Variants in DLG2 observed in about 807,000 individuals in gnomAD.
DLG2 encodes discs large MAGUK scaffold protein 2.
Under a neutral mutation model 132.5 loss-of-function variants are expected in DLG2, and 45 were observed. The observed-to-expected ratio is 0.34, with a 90% confidence interval of 0.27 to 0.44. The LOEUF is 0.44. Ranked by LOEUF, DLG2 falls within the 20% of genes least tolerant of loss-of-function variation. The probability of loss-of-function intolerance (pLI) is 1.00; values close to 1 mark genes in which losing one functional copy is unlikely to be tolerated. For synonymous variants in DLG2, 424 were observed against 419.6 expected (o/e 1.01, Z -0.13); for missense variants, 1,045 against 1,196.9 (o/e 0.87, Z 1.87).
intron 9 of DLG2, among the ~76,000 whole-genome samples, chr11:84,159,743 G>C (rs910421606): frequency 2.0e-5 from 3 of 152,158 alleles, no homozygotes; most frequent in Non-Finnish European, 4.4e-5. Context: ...GAGAACAGCA[G>C]GGTAAAAGTG....
chr11:85,298,618 G>A (rs2079391405), intron 3 of DLG2, among the ~76,000 whole-genome samples: 1 of 152,068 alleles, frequency 6.6e-6, no homozygotes, highest in Non-Finnish European at 1.5e-5. Context: ...TAAATTCTTT[G>A]CTATAAAGCA....
intron 3 of DLG2, chr11:85,286,053 A>T (rs2078534322): frequency 2.3e-6 from 1 of 428,486 alleles, no homozygotes; most frequent in Admixed American, 2.9e-5. Flanking sequence ...ACAAATGTAT[A>T]AAATAACCTC....
chr11:83,922,824 G>C (rs1220085483), intron 15 of DLG2, among the ~76,000 whole-genome samples: 1 of 152,062 alleles, frequency 6.6e-6, no homozygotes, highest in Non-Finnish European at 1.5e-5. Flanking sequence ...AAATTAATGA[G>C]ATTATTAGAA....
chr11:84,279,491 A>C (rs1213985872), intron 7 of DLG2, among the ~76,000 whole-genome samples: 1 of 152,236 alleles, frequency 6.6e-6, no homozygotes, highest in East Asian at 1.9e-4. Context: ...TCATTCTACT[A>C]TAAGGACAAA....
intron 11 of DLG2, among the ~76,000 whole-genome samples, chr11:84,004,063 A>G (rs1304296048): frequency 6.6e-6 from 1 of 152,108 alleles, no homozygotes; most frequent in Non-Finnish European, 1.5e-5. Context: ...AAAATTGAAG[A>G]GAAAGAAATT....
At chr11:85,611,336 CTACT>C in intron 2 of DLG2, among the ~76,000 whole-genome samples, 1 of 152,318 alleles carries the variant, frequency 6.6e-6, no homozygotes, top group East Asian at 1.9e-4. Context: ...AGACAACTGC[CTACT>C]TAGATACCAG....
intron 22 of DLG2, among the ~76,000 whole-genome samples, chr11:83,476,190 A>T (rs1244912028): frequency 6.6e-6 from 1 of 152,136 alleles, no homozygotes; most frequent in Non-Finnish European, 1.5e-5. Context: ...TTAAGAACTA[A>T]TTAGGTTCTT....
At chr11:85,014,397 G>C (rs990151475) in intron 6 of DLG2, among the ~76,000 whole-genome samples, 1 of 152,088 alleles carries the variant, frequency 6.6e-6, no homozygotes, top group East Asian at 1.9e-4. Flanking sequence ...GAAAGAGTAG[G>C]TATTACTTAA....
At chr11:85,469,966 C>T (rs1024818444) in intron 3 of DLG2, among the ~76,000 whole-genome samples, 2 of 152,068 alleles carry the variant, frequency 1.3e-5, no homozygotes, top group Non-Finnish European at 2.9e-5. Flanking sequence ...AATCCAAAGC[C>T]CTTACTTTAG....
intron 6 of DLG2, among the ~76,000 whole-genome samples, chr11:84,864,305 C>A (rs1179028699): frequency 3.3e-5 from 5 of 152,166 alleles, no homozygotes; most frequent in Non-Finnish European, 7.3e-5. Flanking sequence ...AGCCTTAGAT[C>A]TACCATATAT....
intron 21 of DLG2, among the ~76,000 whole-genome samples, chr11:83,499,895 A>ATATCTATCTATCTATCTATC (rs1555113456): frequency 3.5e-5 from 4 of 114,554 alleles, no homozygotes; most frequent in African/African-American, 1.4e-4. Flanking sequence ...ATATATATAT[A>ATATCTATCTATCTATCTATC]TATCAGTTCT....
At chr11:83,622,042 G>A (rs1193202764) in intron 19 of DLG2, among the ~76,000 whole-genome samples, 1 of 152,162 alleles carries the variant, frequency 6.6e-6, no homozygotes, top group African/African-American at 2.4e-5. Flanking sequence ...AGCCTCCCGA[G>A]TAGCTGGGAT....
intron 4 of DLG2, among the ~76,000 whole-genome samples, chr11:85,231,176 A>G (rs960901972): frequency 2.0e-5 from 3 of 152,054 alleles, no homozygotes; most frequent in East Asian, 1.9e-4. Context: ...TCCTGTTGGG[A>G]CTGCAAATAT....
At chr11:85,018,341 CTT>C (rs1491452911) in intron 6 of DLG2, among the ~76,000 whole-genome samples, 1 of 152,056 alleles carries the variant, frequency 6.6e-6, no homozygotes, top group African/African-American at 2.4e-5. Flanking sequence ...GCAGTCAACA[CTT>C]TATATGTACC....
At chr11:84,218,898 G>T (rs999553781) in intron 8 of DLG2, among the ~76,000 whole-genome samples, 81 of 152,136 alleles carry the variant, frequency 5.3e-4, no homozygotes, top group African/African-American at 1.9e-3. Flanking sequence ...TAGGGCCAAA[G>T]CTGATAAACA....
chr11:83,988,181 T>C (rs549602335), intron 11 of DLG2, among the ~76,000 whole-genome samples: 1 of 152,334 alleles, frequency 6.6e-6, no homozygotes, highest in African/African-American at 2.4e-5. Context: ...GCAATTACTT[T>C]TGGCATTTTC....
intron 18 of DLG2, among the ~76,000 whole-genome samples, chr11:83,695,041 A>G (rs1442759415): frequency 6.6e-6 from 1 of 152,144 alleles, no homozygotes; most frequent in Non-Finnish European, 1.5e-5. Context: ...CTATAAAAGT[A>G]AGGCATTTTC....
chr11:85,474,192 C>T (rs2093069222), intron 3 of DLG2, among the ~76,000 whole-genome samples: 1 of 151,798 alleles, frequency 6.6e-6, no homozygotes, highest in African/African-American at 2.4e-5. Context: ...ATGCAAAGAT[C>T]ATTATTGATA....
chr11:85,141,958 C>T (rs186066274), intron 5 of DLG2, among the ~76,000 whole-genome samples: 1 of 151,946 alleles, frequency 6.6e-6, no homozygotes, highest in African/African-American at 2.4e-5. Context: ...GATACTATAG[C>T]TCTGTAGTAT....
Sources: allele counts gnomAD v4.1 joint callset (sites outside exome capture counted in the v4.1 genomes callset), GRCh38; gene constraint gnomAD v4.1.1; transcripts MANE v1.5; gene names NCBI Gene and HGNC (gene_info 2026-07-23, HGNC 2026-07-21).